The following LTBP1 variants were observed in gnomAD, a reference collection of about 807,000 sequenced individuals.
LTBP1 encodes latent-transforming growth factor beta-binding protein 1.
LTBP1 carries 129 observed loss-of-function variants against 207.6 expected under a neutral mutation model. The observed-to-expected ratio is 0.62, with a 90% CI of 0.54 to 0.72. The LOEUF (loss-of-function observed/expected upper bound fraction) is 0.72, where lower values mean the gene tolerates loss of function less well. Among genes scored for constraint, LTBP1 ranks in the 30% least tolerant of loss-of-function variants. The pLI is 0.00. For synonymous variants in LTBP1, 963 were observed against 833.7 expected (o/e 1.16, Z -2.67); for missense variants, 2,281 against 2,217.2 (o/e 1.03, Z -0.58).
At chr2:33,251,302 G>C (rs2092677241) in intron 10 of LTBP1, among the ~76,000 whole-genome samples, 1 of 152,118 alleles carries the variant, frequency 6.6e-6, no homozygotes, top group East Asian at 1.9e-4. Context: ...CAGAATCAAA[G>C]CCAAAGTGCC....
intron 2 of LTBP1, among the ~76,000 whole-genome samples, chr2:33,011,384 C>T (rs762580935): frequency 1.1e-4 from 17 of 152,088 alleles, no homozygotes; most frequent in Non-Finnish European, 2.2e-4. Context: ...CCCAGTATCT[C>T]AGAATGTGAG....
chr2:33,217,984 C>A (rs1336997782), intron 8 of LTBP1, among the ~76,000 whole-genome samples: 2 of 152,128 alleles, frequency 1.3e-5, no homozygotes, highest in African/African-American at 4.8e-5. Flanking sequence ...ATAAATGTTT[C>A]AAACCCTGTA....
At chr2:33,024,597 G>C (rs1179193132) in intron 3 of LTBP1, among the ~76,000 whole-genome samples, 1 of 152,192 alleles carries the variant, frequency 6.6e-6, no homozygotes, top group East Asian at 1.9e-4. Flanking sequence ...TACAAATAAA[G>C]TTCCTTAGGA....
chr2:33,389,022 A>G (rs1290382077), intron 31 of LTBP1, among the ~76,000 whole-genome samples, 162 bp from the exon 32 acceptor site: 1 of 152,206 alleles, frequency 6.6e-6, no homozygotes, highest in Non-Finnish European at 1.5e-5. Flanking sequence ...TAAAATTCCC[A>G]TCAAAAGATA....
chr2:33,376,229 T>C (rs2095138385), intron 31 of LTBP1, among the ~76,000 whole-genome samples: 2 of 152,318 alleles, frequency 1.3e-5, no homozygotes, highest in South Asian at 4.2e-4. Context: ...TAATCCTCAT[T>C]CAACTTAAAA....
intron 2 of LTBP1, among the ~76,000 whole-genome samples, chr2:32,955,116 G>A (rs972625416): frequency 1.2e-4 from 18 of 152,178 alleles, no homozygotes; most frequent in African/African-American, 3.9e-4. Flanking sequence ...TGCTGATGGA[G>A]GTGGCCCACA....
intron 30 of LTBP1, among the ~76,000 whole-genome samples, chr2:33,364,817 C>T (rs979332659): frequency 5.3e-5 from 8 of 152,268 alleles, no homozygotes; most frequent in African/African-American, 9.6e-5. Flanking sequence ...GGCAAAAAGC[C>T]GCTGATAATT....
chr2:33,331,105 A>C (rs1247921951), intron 24 of LTBP1, among the ~76,000 whole-genome samples: 5 of 151,742 alleles, frequency 3.3e-5, no homozygotes, highest in African/African-American at 1.2e-4. Context: ...CTTTTTTAAA[A>C]TTTCAGTAAT....
In LTBP1 at chr2:33,043,098, C is replaced by T. The variant is rs148453029; in HGVS notation, c.863+21892C>T. 4.2e-3 allele frequency among the ~76,000 whole-genome samples: 639 copies of T among 152,298 alleles called. 7 individuals carry two copies. Among genetic ancestry groups the T allele is most frequent in the African/African-American group, 0.014 (588 of 41,560 alleles). ...CTATAATCCCCAAACGGCTGTGAAC[C>T]GCTGTTCTAGAGGGTGAGATTGGCA... On this transcript the variant is annotated intron_variant, in intron 3 of 33. Coordinates refer to ENST00000404816, the MANE Select transcript of LTBP1 (RefSeq NM_206943.4).
At chr2:33,316,801 G>A (rs2094280065) in intron 24 of LTBP1, among the ~76,000 whole-genome samples, 1 of 152,236 alleles carries the variant, frequency 6.6e-6, no homozygotes, top group East Asian at 1.9e-4. Context: ...GAGGGATAGG[G>A]TGCAAGCCCA....
chr2:33,259,475 A>C (rs531592634), intron 12 of LTBP1, 113 bp from the exon 13 acceptor site: 5 of 729,314 alleles, frequency 6.9e-6, no homozygotes, highest in Admixed American at 5.7e-5. Context: ...CTTTAGTCTG[A>C]TTCTTAATCC....
intron 24 of LTBP1, among the ~76,000 whole-genome samples, chr2:33,321,077 A>G (rs146936904): frequency 6.6e-6 from 1 of 152,288 alleles, no homozygotes; most frequent in East Asian, 1.9e-4. Context: ...ACTTTTCAAA[A>G]TAATACCCTG....
intron 3 of LTBP1, among the ~76,000 whole-genome samples, chr2:33,079,432 C>G (rs747189785): frequency 2.0e-5 from 3 of 152,110 alleles, no homozygotes; most frequent in Admixed American, 6.5e-5. Flanking sequence ...TCAAACTGAT[C>G]ATAGAGCTTA....
chr2:33,001,217 C>G lies in LTBP1; in HGVS notation c.566-19692C>G, dbSNP rs769975024. Among the ~76,000 whole-genome samples the G allele has an allele frequency of 1.5e-5, 2 of 135,620 alleles. 1 individual carries two copies. The highest frequency in any genetic ancestry group is 5.1e-5 in the African/African-American group (2 of 38,938). 89.0% of individuals were successfully genotyped at this position (135,620 alleles called of 152,430 possible). A position where few individuals can be genotyped will look rare whatever the true frequency, so the allele number is the denominator to read the frequency against. On this transcript the variant is annotated intron_variant, in intron 2 of 33. Transcript: ENST00000404816. ...CCTTTACTACTGAAAGAATGCTGGTCACACCAGAAATATGCTTTGTACAAA... is the reference window on the plus strand; with the variant it reads ...CCTTTACTACTGAAAGAATGCTGGTGACACCAGAAATATGCTTTGTACAAA...
chr2:33,063,668 T>C (rs962999947), intron 3 of LTBP1, among the ~76,000 whole-genome samples: 3 of 152,110 alleles, frequency 2.0e-5, no homozygotes, highest in Admixed American at 2.0e-4. Flanking sequence ...TTTCAAGGAG[T>C]CCTGAGAATG....
chr2:32,949,318 C>T (rs904652807), intron 2 of LTBP1, among the ~76,000 whole-genome samples: 4 of 152,196 alleles, frequency 2.6e-5, no homozygotes, highest in Admixed American at 6.5e-5. Context: ...ACATTCTTTA[C>T]GGTGATGGCA....
intron 24 of LTBP1, among the ~76,000 whole-genome samples, chr2:33,332,392 AAAAAAAG>A (rs1389088955): frequency 0.011 from 1,606 of 147,806 alleles, 44 homozygotes; most frequent in African/African-American, 0.039. Context: ...AAAAAAAAAA[AAAAAAAG>A]AGAGAGAGAG....
chr2:32,987,649 A>G (rs756587622), intron 2 of LTBP1, among the ~76,000 whole-genome samples: 25 of 152,152 alleles, frequency 1.6e-4, no homozygotes, highest in Admixed American at 9.8e-4. Context: ...AACTTGTAAG[A>G]TGCTTGGTCT....
intron 5 of LTBP1, among the ~76,000 whole-genome samples, chr2:33,156,516 G>A (rs374863706): frequency 3.3e-4 from 50 of 152,134 alleles, no homozygotes; most frequent in Non-Finnish European, 6.2e-4. Flanking sequence ...AGAATGGGAA[G>A]GATAATACCT....
Sources: allele counts gnomAD v4.1 joint callset (sites outside exome capture counted in the v4.1 genomes callset), GRCh38; gene constraint gnomAD v4.1.1; transcripts MANE v1.5; gene names NCBI Gene and HGNC (gene_info 2026-07-23, HGNC 2026-07-21).